The following URI1 variants were observed in gnomAD, a reference collection of about 807,000 sequenced individuals.
URI1 encodes the protein URI1 prefoldin like chaperone.
In URI1, 39 loss-of-function variants were observed where a neutral mutation model predicts 60.2. The observed-to-expected ratio is 0.65, with a 90% CI of 0.50 to 0.85. The LOEUF (loss-of-function observed/expected upper bound fraction) is 0.85, where lower values mean the gene tolerates loss of function less well. URI1 is among the 40% of genes least tolerant of loss of function. The pLI is 0.00. For synonymous variants in URI1, 251 were observed against 236.8 expected, an observed-to-expected ratio of 1.06 and a Z score of -0.55; for missense variants, 691 against 665.9, an observed-to-expected ratio of 1.04 and a Z score of -0.42.
chr19:29,961,397 G>T (rs1298805346), intron 1 of URI1, among the ~76,000 whole-genome samples: 1 of 151,814 alleles, frequency 6.6e-6, no homozygotes, highest in Non-Finnish European at 1.5e-5. Flanking sequence ...CCTTTAAGTG[G>T]AATCATAGAG....
In URI1 at chr19:29,944,140, C is replaced by CATATATATAT. The variant is rs56329506; in HGVS notation, c.117+1520_117+1529dup. Among the ~76,000 whole-genome samples, 261 of 37,040 alleles carry CATATATATAT rather than the reference C, an allele frequency of 7.0e-3. 15 individuals carry two copies. The highest frequency in any genetic ancestry group is 0.014 in the Non-Finnish European group (161 of 11,794). The allele number at this position is 37,040 out of a possible 152,430, so 24.3% of individuals were successfully genotyped here. A position where few individuals can be genotyped will look rare whatever the true frequency, so the allele number is the denominator to read the frequency against. ...GGCGACAGAGTGAGACCCTGTCATT[C>CATATATATAT]ATATATATATATATATATATATATA... is the stretch of plus-strand genomic sequence containing the variant. On this transcript the variant is annotated intron_variant, in intron 1 of 10. Transcript: ENST00000392271.
rs1186766859 is a variant in URI1, at chr19:29,995,644, T to TA, written c.367+9228dup. 2.0e-5 allele frequency among the ~76,000 whole-genome samples: 3 copies of TA among 152,054 alleles called. No individual in the cohort carries two copies. The East Asian group carries it at 5.8e-4, about 29-fold the overall frequency. Reference sequence around the variant, plus strand: ...AAATTTTTAATTTTCACTGTCCAGTTAGTGTTTTTTTGTTTTTGCCTATGC... The same window carrying TA: ...AAATTTTTAATTTTCACTGTCCAGTTAAGTGTTTTTTTGTTTTTGCCTATGC... On this transcript the variant is annotated intron_variant, in intron 4 of 10. Coordinates refer to ENST00000392271, the MANE Select transcript of URI1 (RefSeq NM_003796.3).
upstream of URI1, chr19:29,937,652 G>A (rs368641152): frequency 3.9e-5 from 6 of 152,326 alleles, no homozygotes; most frequent in East Asian, 5.8e-4. Flanking sequence ...GGCAACCAGT[G>A]ACCTGGAAAT....
intron 1 of URI1, among the ~76,000 whole-genome samples, chr19:29,962,598 C>CTT (rs901194908): frequency 1.4e-5 from 2 of 139,608 alleles, no homozygotes; most frequent in Non-Finnish European, 1.6e-5. Flanking sequence ...CTTTACCCAT[C>CTT]TTTTTTTTTT....
chr19:29,969,882 C>T (rs1043373587), intron 1 of URI1, among the ~76,000 whole-genome samples: 1 of 152,054 alleles, frequency 6.6e-6, no homozygotes, highest in Non-Finnish European at 1.5e-5. Context: ...AGTCAGTACT[C>T]TATTATATAT....
At chr19:29,942,694 T>TCCGCCC (rs1380108811) in intron 1 of URI1, 30 bp downstream of exon 1, 2 of 1,341,412 alleles carry the variant, frequency 1.5e-6, no homozygotes, top group Non-Finnish European at 1.9e-6. Flanking sequence ...CGCTTCCGCC[T>TCCGCCC]CCGCCCGCCG....
At chr19:29,956,259 A>C (rs573349658) in intron 1 of URI1, 1 of 643,294 alleles carries the variant, frequency 1.6e-6, no homozygotes, top group South Asian at 2.1e-5. Flanking sequence ...TACAGGCATG[A>C]GCCACGGCGC....
intron 10 of URI1, among the ~76,000 whole-genome samples, chr19:30,013,420 CTCT>C (rs1439401538): frequency 6.6e-6 from 1 of 152,054 alleles, no homozygotes; most frequent in Non-Finnish European, 1.5e-5. Flanking sequence ...TTTTCTTCCC[CTCT>C]TCTTAGTATA....
rs146248685 is a variant in URI1, at chr19:29,997,792, A to G, written c.368-7569A>G. Reference sequence around the variant, plus strand: ...CTCTTTTCTTTTGAGACAGAGTCTCACTCACTCTGTTGCCCTGGCTGGAGT... The same window carrying G: ...CTCTTTTCTTTTGAGACAGAGTCTCGCTCACTCTGTTGCCCTGGCTGGAGT... On this transcript the variant is annotated intron_variant, in intron 4 of 10. Transcript: ENST00000392271. 3.1e-3 allele frequency among the ~76,000 whole-genome samples: 478 copies of G among 151,952 alleles called. 1 individual carries two copies. The highest frequency in any genetic ancestry group is 0.011 in the African/African-American group (465 of 41,422).
intron 2 of URI1, 44 bp downstream of exon 2, chr19:29,971,271 G>C (rs769528478): frequency 1.9e-6 from 3 of 1,594,530 alleles, no homozygotes; most frequent in East Asian, 2.2e-5. Context: ...ATACTGATGG[G>C]GTAACCTACT....
At chr19:29,959,309 G>A (rs2041690289) in intron 1 of URI1, among the ~76,000 whole-genome samples, 1 of 152,078 alleles carries the variant, frequency 6.6e-6, no homozygotes, top group African/African-American at 2.4e-5. Context: ...TGTATTTTTT[G>A]TAGAGACAGA....
chr19:29,955,672 T>C (rs199951740), intron 1 of URI1, among the ~76,000 whole-genome samples: 1 of 136,460 alleles, frequency 7.3e-6, no homozygotes, highest in Admixed American at 7.4e-5. Context: ...TTTTTTTTTT[T>C]CTTTCTTCCT....
chr19:29,942,712 C>A (rs1057179595), intron 1 of URI1, 48 bp downstream of exon 1: 1 of 1,348,676 alleles, frequency 7.4e-7, no homozygotes. Context: ...CCGGGCTGCC[C>A]CTGCCTGTGC....
intron 1 of URI1, among the ~76,000 whole-genome samples, chr19:29,935,300 T>A (rs991000820): frequency 3.3e-5 from 5 of 152,018 alleles, no homozygotes; most frequent in Non-Finnish European, 7.4e-5. Flanking sequence ...CTCCTATACA[T>A]CTCTTTCCCT....
intron 4 of URI1, 22 bp from the exon 5 acceptor site, chr19:30,005,339 A>G (rs1220944288): frequency 2.2e-6 from 3 of 1,390,588 alleles, no homozygotes; most frequent in Non-Finnish European, 3.0e-6. Context: ...GCTTTACATA[A>G]TGGTTGTGTT....
At chr19:29,975,644 C>G (rs1483263026) in intron 2 of URI1, among the ~76,000 whole-genome samples, 3 of 151,898 alleles carry the variant, frequency 2.0e-5, no homozygotes, top group African/African-American at 7.3e-5. Context: ...GCTGAGATTA[C>G]AGGCGCGTGC....
At chr19:29,930,047 A>G (rs1339916890) in intron 1 of URI1, among the ~76,000 whole-genome samples, 1 of 149,344 alleles carries the variant, frequency 6.7e-6, no homozygotes, top group Non-Finnish European at 1.5e-5. Context: ...TCAAGTGACT[A>G]TCCTGCCTCA....
At chr19:29,960,481 A>T (rs186747) in intron 1 of URI1, among the ~76,000 whole-genome samples, 145,714 of 152,226 alleles carry the variant, frequency 0.96, 69,760 homozygotes, top group East Asian at 1. Flanking sequence ...AAAATTGTAA[A>T]AACTTCCTGG....
At chr19:29,966,978 T>A (rs1410513614) in intron 1 of URI1, among the ~76,000 whole-genome samples, 3 of 152,254 alleles carry the variant, frequency 2.0e-5, no homozygotes, top group Non-Finnish European at 4.4e-5. Flanking sequence ...TTTTAGGCTT[T>A]CTGTTCCAGT....
Sources: gnomAD v4.1 joint callset for allele counts (sites outside exome capture counted in the v4.1 genomes callset) on GRCh38, gnomAD v4.1.1 for gene constraint, MANE v1.5 for transcripts, NCBI Gene and HGNC (gene_info 2026-07-23, HGNC 2026-07-21) for gene names.